Variants in CSTPP1 observed in about 807,000 individuals in gnomAD.
CSTPP1 encodes the protein centriolar satellite-associated tubulin polyglutamylase complex regulator 1.
the CSTPP1 span, among the ~76,000 whole-genome samples, chr11:47,036,261 TA>T: frequency 5.9e-5 from 3 of 50,652 alleles, no homozygotes; most frequent in African/African-American, 1.9e-4. Flanking sequence ...ATATATTATA[TA>T]ATATATATAT....
the CSTPP1 span, among the ~76,000 whole-genome samples, chr11:46,968,761 T>C: frequency 6.6e-6 from 1 of 151,550 alleles, no homozygotes; most frequent in Non-Finnish European, 1.5e-5. Flanking sequence ...TAGCCGGGTG[T>C]GATGGTGTGT....
At chr11:46,954,541 T>G in the CSTPP1 span, among the ~76,000 whole-genome samples, 1 of 152,028 alleles carries the variant, frequency 6.6e-6, no homozygotes, top group Non-Finnish European at 1.5e-5. Context: ...ACAGTGAGAC[T>G]CTGTTTTGAA....
chr11:47,071,411 T>A, the CSTPP1 span, among the ~76,000 whole-genome samples: 33 of 152,200 alleles, frequency 2.2e-4, no homozygotes, highest in African/African-American at 7.7e-4. Context: ...AATATACTAC[T>A]TCAGTGTTGT....
the CSTPP1 span, among the ~76,000 whole-genome samples, chr11:47,032,114 A>G: frequency 6.6e-6 from 1 of 152,124 alleles, no homozygotes; most frequent in African/African-American, 2.4e-5. Flanking sequence ...TCCTTTGGCA[A>G]CACCCTCACC....
chr11:47,077,385 G>A, the CSTPP1 span, among the ~76,000 whole-genome samples: 4 of 152,014 alleles, frequency 2.6e-5, no homozygotes, highest in Non-Finnish European at 5.9e-5. Context: ...ATTTTTAGTA[G>A]AGACGGGTTT....
chr11:47,149,641 T>G, the CSTPP1 span, among the ~76,000 whole-genome samples: 1 of 152,180 alleles, frequency 6.6e-6, no homozygotes, highest in Non-Finnish European at 1.5e-5. Context: ...ATAGGTGGGT[T>G]AAAGACACAG....
the CSTPP1 span, among the ~76,000 whole-genome samples, chr11:47,053,569 G>A: frequency 6.6e-6 from 1 of 150,448 alleles, no homozygotes; most frequent in Non-Finnish European, 1.5e-5. Flanking sequence ...GCCGTGAGCC[G>A]AGATCGTGCC....
At chr11:47,130,023 C>A in the CSTPP1 span, among the ~76,000 whole-genome samples, 1 of 152,168 alleles carries the variant, frequency 6.6e-6, no homozygotes, top group Non-Finnish European at 1.5e-5. Context: ...CTTTGGGAGG[C>A]CGAGGCGGGC....
At chr11:47,113,084 T>A in the CSTPP1 span, among the ~76,000 whole-genome samples, 1 of 152,160 alleles carries the variant, frequency 6.6e-6, no homozygotes. Context: ...AGTGAGAACA[T>A]GTGGTGTTTG....
chr11:47,013,014 T>A, the CSTPP1 span, among the ~76,000 whole-genome samples: 4 of 147,094 alleles, frequency 2.7e-5, no homozygotes, highest in Admixed American at 2.7e-4. Context: ...TATTTTATTA[T>A]ATAAATAATA....
At chr11:46,938,307 CAT>C in the CSTPP1 span, among the ~76,000 whole-genome samples, 1 of 147,970 alleles carries the variant, frequency 6.8e-6, no homozygotes, top group African/African-American at 2.5e-5. Flanking sequence ...AATGGATAAA[CAT>C]ATATATTTAT....
At chr11:47,009,029 TAA>T in the CSTPP1 span, among the ~76,000 whole-genome samples, 25 of 136,222 alleles carry the variant, frequency 1.8e-4, no homozygotes, top group African/African-American at 1.6e-4. Flanking sequence ...AGACTCCATC[TAA>T]AAAAAAAAAA....
the CSTPP1 span, among the ~76,000 whole-genome samples, chr11:46,998,211 G>T: frequency 6.6e-6 from 1 of 152,082 alleles, no homozygotes; most frequent in Non-Finnish European, 1.5e-5. Context: ...ATTCTTTGTG[G>T]TAAAGCTCTA....
the CSTPP1 span, among the ~76,000 whole-genome samples, chr11:47,104,538 G>A: frequency 6.6e-6 from 1 of 152,210 alleles, no homozygotes; most frequent in Non-Finnish European, 1.5e-5. Flanking sequence ...TCTGTTTCAA[G>A]GGACAGCAGT....
At chr11:47,077,193 G>A in the CSTPP1 span, among the ~76,000 whole-genome samples, 1 of 116,852 alleles carries the variant, frequency 8.6e-6, no homozygotes, top group African/African-American at 3.0e-5. Flanking sequence ...TGAGGATAAA[G>A]TTGTTTTTTT....
At chr11:46,963,878 G>A in the CSTPP1 span, among the ~76,000 whole-genome samples, 1 of 151,498 alleles carries the variant, frequency 6.6e-6, no homozygotes, top group African/African-American at 2.4e-5. Flanking sequence ...CTAGACCATA[G>A]CTAGACCATA....
chr11:46,963,700 G>A, the CSTPP1 span, among the ~76,000 whole-genome samples: 2 of 150,770 alleles, frequency 1.3e-5, no homozygotes, highest in African/African-American at 4.9e-5. Flanking sequence ...CATGAGAATC[G>A]TTTGAACCCT....
At chr11:46,941,788 G>A in the CSTPP1 span, among the ~76,000 whole-genome samples, 3 of 152,080 alleles carry the variant, frequency 2.0e-5, no homozygotes, top group East Asian at 1.9e-4. Context: ...GTATGTGTAA[G>A]CCTAAAGAAG....
At chr11:47,085,461 A>G in the CSTPP1 span, among the ~76,000 whole-genome samples, 8 of 152,168 alleles carry the variant, frequency 5.3e-5, no homozygotes, top group Non-Finnish European at 7.4e-5. Context: ...TTCTCTGTCA[A>G]AGAGGATACT....
Sources: allele counts gnomAD v4.1 joint callset (sites outside exome capture counted in the v4.1 genomes callset), GRCh38; gene constraint gnomAD v4.1.1; transcripts MANE v1.5; gene names NCBI Gene and HGNC (gene_info 2026-07-23, HGNC 2026-07-21).